SOX5: variants seen among roughly 807,000 people sequenced by gnomAD.
SOX5 encodes SRY-box transcription factor 5, also known as transcription factor SOX-5.
A neutral mutation model predicts 92.0 loss-of-function variants in SOX5; 9 were observed. The ratio of observed to expected loss-of-function variants is 0.10; its 90% confidence interval spans 0.06 to 0.17. The LOEUF (loss-of-function observed/expected upper bound fraction) is 0.17. SOX5 is among the 10% of genes least tolerant of loss of function. The pLI, the probability that SOX5 is intolerant of heterozygous loss-of-function variation, is 1.00. For synonymous variants in SOX5, 344 were observed against 336.3 expected, an observed-to-expected ratio of 1.02 and a Z score of -0.25; for missense variants, 642 against 944.5, an observed-to-expected ratio of 0.68 and a Z score of 4.20.
chr12:24,003,068 T>C (rs1951775396), intron 4 of SOX5, among the ~76,000 whole-genome samples: 1 of 152,054 alleles, frequency 6.6e-6, no homozygotes, highest in African/African-American at 2.4e-5. Context: ...AAATTGACTA[T>C]CACAATGAAG....
At chr12:24,504,249 G>A (rs993797126) in intron 1 of SOX5, among the ~76,000 whole-genome samples, 3 of 152,118 alleles carry the variant, frequency 2.0e-5, no homozygotes, top group Non-Finnish European at 2.9e-5. Context: ...TATAGGCTAC[G>A]TCAACAGTTC....
At chr12:23,984,234 G>A (rs1285641122) in intron 4 of SOX5, among the ~76,000 whole-genome samples, 16 of 152,148 alleles carry the variant, frequency 1.1e-4, no homozygotes, top group Admixed American at 8.5e-4. Context: ...TAGAGAAATT[G>A]AGGGACACAG....
intron 4 of SOX5, among the ~76,000 whole-genome samples, chr12:24,151,638 A>T (rs1000983043): frequency 6.6e-6 from 1 of 152,066 alleles, no homozygotes; most frequent in Non-Finnish European, 1.5e-5. Context: ...GAATCATATT[A>T]GTTGTTTGGT....
upstream of SOX5, chr12:23,949,725 T>TC (rs1376669930): frequency 2.9e-6 from 3 of 1,030,438 alleles, no homozygotes; most frequent in African/African-American, 7.1e-5. Flanking sequence ...CCCCCCTCCC[T>TC]CCCTCCCTCT....
At chr12:24,542,448 C>G (rs903254716) in intron 1 of SOX5, among the ~76,000 whole-genome samples, 1 of 152,194 alleles carries the variant, frequency 6.6e-6, no homozygotes, top group Admixed American at 6.5e-5. Context: ...TATCACTATA[C>G]ATATTTATAA....
intron 4 of SOX5, among the ~76,000 whole-genome samples, chr12:24,187,673 T>A (rs1956147658): frequency 6.6e-6 from 1 of 152,186 alleles, no homozygotes; most frequent in African/African-American, 2.4e-5. Context: ...TTATCACCCC[T>A]TCCTAACATG....
chr12:24,114,733 C>A (rs1413672054), intron 4 of SOX5, among the ~76,000 whole-genome samples: 1 of 151,802 alleles, frequency 6.6e-6, no homozygotes, highest in African/African-American at 2.4e-5. Context: ...TCTTTTGAAG[C>A]CAGTTCAAGA....
In SOX5 at chr12:24,268,254, A is replaced by G. The variant is rs540921819; in HGVS notation, c.-77+8962T>C. On this transcript the variant is annotated intron_variant, in intron 3 of 4. Coordinates refer to the SOX5 transcript ENST00000446891. ...ATTCAGATAAAATATTTGTATGTAG[A>G]GCACGAAGACAATCAAGTATAATCA... is the stretch of plus-strand genomic sequence containing the variant. 2.0e-5 allele frequency among the ~76,000 whole-genome samples: 3 copies of G among 152,324 alleles called. No individual in the cohort carries two copies. The South Asian group carries it at 6.2e-4, about 32-fold the overall frequency.
intron 4 of SOX5, among the ~76,000 whole-genome samples, chr12:23,977,490 C>T (rs751781251): frequency 6.6e-5 from 10 of 151,990 alleles, no homozygotes; most frequent in Admixed American, 4.6e-4. Flanking sequence ...GCCAACATGG[C>T]GAAATCCCAT....
chr12:23,754,218 A>G (rs2094288271), intron 4 of SOX5, among the ~76,000 whole-genome samples: 1 of 151,734 alleles, frequency 6.6e-6, no homozygotes, highest in Admixed American at 6.6e-5. Context: ...GAGGGAGGGG[A>G]AAAAACGTTT....
chr12:24,494,567 G>T (rs1048876782), intron 1 of SOX5, among the ~76,000 whole-genome samples: 1 of 152,074 alleles, frequency 6.6e-6, no homozygotes, highest in Admixed American at 6.6e-5. Context: ...ATTCCAACGA[G>T]CATTCAACTT....
intron 4 of SOX5, among the ~76,000 whole-genome samples, chr12:24,113,670 ATT>A (rs1947638421): frequency 1.3e-5 from 2 of 152,190 alleles, no homozygotes; most frequent in Non-Finnish European, 2.9e-5. Flanking sequence ...AGTGGATATA[ATT>A]TTTTCAACAG....
chr12:23,592,232 T>C (rs2137151883), intron 9 of SOX5, among the ~76,000 whole-genome samples: 1 of 152,352 alleles, frequency 6.6e-6, no homozygotes, highest in East Asian at 1.9e-4. Flanking sequence ...TATTTGAGTA[T>C]ACATTTTTTC....
At chr12:24,094,008 G>A (rs552655672) in intron 4 of SOX5, among the ~76,000 whole-genome samples, 3 of 152,120 alleles carry the variant, frequency 2.0e-5, no homozygotes, top group Non-Finnish European at 2.9e-5. Context: ...GCGCAATGGT[G>A]TGATCTCGGC....
At chr12:23,558,839 G>A (rs1305224188) in intron 11 of SOX5, among the ~76,000 whole-genome samples, 1 of 152,178 alleles carries the variant, frequency 6.6e-6, no homozygotes, top group African/African-American at 2.4e-5. Flanking sequence ...CTGACCTCAG[G>A]TGATCCGCCT....
intron 1 of SOX5, among the ~76,000 whole-genome samples, chr12:24,401,699 C>T (rs984015879): frequency 7.9e-6 from 1 of 127,300 alleles, no homozygotes; most frequent in Non-Finnish European, 1.6e-5. Context: ...CAGAGCCAGA[C>T]CCTATCTTTA....
intron 4 of SOX5, among the ~76,000 whole-genome samples, chr12:24,162,588 T>C (rs560967060): frequency 5.3e-5 from 8 of 152,230 alleles, no homozygotes; most frequent in Non-Finnish European, 1.2e-4. Flanking sequence ...TATTTCTAAT[T>C]AGGAAAAAAC....
intron 3 of SOX5, among the ~76,000 whole-genome samples, chr12:23,776,560 C>T (rs1207692231): frequency 6.6e-6 from 1 of 152,154 alleles, no homozygotes; most frequent in Admixed American, 6.5e-5. Context: ...ATTTGAGGTT[C>T]CCTTAGAGCA....
intron 11 of SOX5, among the ~76,000 whole-genome samples, chr12:23,555,825 T>G (rs756892273): frequency 2.6e-5 from 4 of 152,092 alleles, no homozygotes; most frequent in Non-Finnish European, 5.9e-5. Flanking sequence ...CGGCATGTAT[T>G]TCAATTAAAT....
Sources: gnomAD v4.1 joint callset for allele counts (sites outside exome capture counted in the v4.1 genomes callset) on GRCh38, gnomAD v4.1.1 for gene constraint, MANE v1.5 for transcripts, NCBI Gene and HGNC (gene_info 2026-07-23, HGNC 2026-07-21) for gene names.